Variants in ANXA4 observed in about 807,000 individuals in gnomAD.
ANXA4 encodes 35-beta calcimedin.
Under a neutral mutation model 49.8 loss-of-function variants are expected in ANXA4, and 39 were observed. The observed-to-expected ratio is 0.78, with a 90% CI of 0.61 to 1.02. ANXA4 has a LOEUF of 1.02. Among genes scored for constraint, ANXA4 ranks in the 50% least tolerant of loss-of-function variants. The pLI is 0.00. For synonymous variants in ANXA4, 134 were observed against 152.5 expected, an observed-to-expected ratio of 0.88 and a Z score of 0.89; for missense variants, 360 against 410.1, an observed-to-expected ratio of 0.88 and a Z score of 1.05.
intron 2 of ANXA4, among the ~76,000 whole-genome samples, chr2:69,675,777 A>G (rs1677385914): frequency 6.6e-6 from 1 of 152,144 alleles, no homozygotes; most frequent in African/African-American, 2.4e-5. Context: ...GAATCCCAGC[A>G]CTTTGGGAGG....
chr2:69,741,221 T>A (rs1049909790), upstream of ANXA4, among the ~76,000 whole-genome samples: 19 of 152,190 alleles, frequency 1.2e-4, no homozygotes, highest in Non-Finnish European at 2.4e-4. Flanking sequence ...CTCTGTTTTT[T>A]AAAAAAACTG....
chr2:69,664,678 C>A (rs1278233722), intron 2 of ANXA4, among the ~76,000 whole-genome samples: 3 of 152,190 alleles, frequency 2.0e-5, no homozygotes, highest in Admixed American at 6.5e-5. Context: ...TTGGCAGCAA[C>A]AGTATGTTCA....
At chr2:69,647,377 T>C (rs1198455115) in intron 1 of ANXA4, among the ~76,000 whole-genome samples, 1 of 145,632 alleles carries the variant, frequency 6.9e-6, no homozygotes. Context: ...TGTTTTATTG[T>C]TTTATTTTTA....
At chr2:69,812,942 T>C (rs1673774621) in intron 8 of ANXA4, among the ~76,000 whole-genome samples, 1 of 152,152 alleles carries the variant, frequency 6.6e-6, no homozygotes, top group South Asian at 2.1e-4. Context: ...ATTAGGACCA[T>C]TGTGTGGCAA....
At chr2:69,689,365 G>A (rs933904214) in intron 2 of ANXA4, among the ~76,000 whole-genome samples, 4 of 152,098 alleles carry the variant, frequency 2.6e-5, no homozygotes, top group Non-Finnish European at 4.4e-5. Flanking sequence ...TGGGATTACA[G>A]ACATGAGCCA....
At chr2:69,691,505 G>A (rs1431875616) in intron 2 of ANXA4, among the ~76,000 whole-genome samples, 1 of 151,878 alleles carries the variant, frequency 6.6e-6, no homozygotes, top group African/African-American at 2.4e-5. Flanking sequence ...GGAATGAACT[G>A]CATCAAAATG....
chr2:69,820,108 C>T (rs902929328), intron 11 of ANXA4, among the ~76,000 whole-genome samples: 2 of 149,898 alleles, frequency 1.3e-5, no homozygotes, highest in Admixed American at 1.3e-4. Flanking sequence ...ACAACAACAA[C>T]AAAAATGTAG....
At chr2:69,822,126 C>T (rs1335088249) in intron 12 of ANXA4, among the ~76,000 whole-genome samples, 3 of 151,936 alleles carry the variant, frequency 2.0e-5, no homozygotes, top group Non-Finnish European at 4.4e-5. Flanking sequence ...TTTGGGAGGC[C>T]GAGACAGGTG....
At chr2:69,667,893 T>G (rs1676998888) in intron 2 of ANXA4, among the ~76,000 whole-genome samples, 1 of 152,236 alleles carries the variant, frequency 6.6e-6, no homozygotes, top group Non-Finnish European at 1.5e-5. Context: ...TGGTCTCTGC[T>G]TTTCTCCATG....
intron 1 of ANXA4, among the ~76,000 whole-genome samples, chr2:69,757,741 G>A (rs997741889): frequency 1.3e-5 from 2 of 151,442 alleles, no homozygotes; most frequent in Non-Finnish European, 2.9e-5. Flanking sequence ...GGTGGATCAC[G>A]AGGTCGAGAG....
chr2:69,781,191 T>A, intron 1 of ANXA4: 1 of 308,704 alleles, frequency 3.2e-6, no homozygotes, highest in Non-Finnish European at 6.1e-6. Context: ...TGATCTGCTG[T>A]AACATTCAGT....
chr2:69,682,398 T>A (rs1307276642), intron 2 of ANXA4, among the ~76,000 whole-genome samples: 2 of 152,208 alleles, frequency 1.3e-5, no homozygotes, highest in African/African-American at 2.4e-5. Flanking sequence ...TTATGATTCA[T>A]CCTTGCTTTT....
chr2:69,676,160 T>G (rs1226768238), intron 2 of ANXA4, among the ~76,000 whole-genome samples: 3 of 152,142 alleles, frequency 2.0e-5, no homozygotes, highest in Non-Finnish European at 4.4e-5. Context: ...TTTTGAAATG[T>G]GAAAAAATGT....
At chr2:69,785,747 C>T (rs1672387191) in intron 2 of ANXA4, among the ~76,000 whole-genome samples, 1 of 152,188 alleles carries the variant, frequency 6.6e-6, no homozygotes, top group Non-Finnish European at 1.5e-5. Flanking sequence ...TCATACCCCA[C>T]TCCAGTGCTT....
intron 2 of ANXA4, among the ~76,000 whole-genome samples, chr2:69,720,433 C>CA (rs1465970972): frequency 6.6e-6 from 1 of 152,108 alleles, no homozygotes; most frequent in Non-Finnish European, 1.5e-5. Flanking sequence ...GGAGCTGAAG[C>CA]AAAGTTCATT....
At chr2:69,802,680 C>T (rs12995760) in intron 3 of ANXA4, among the ~76,000 whole-genome samples, 39,703 of 145,444 alleles carry the variant, frequency 0.27, 5,747 homozygotes, top group Admixed American at 0.46. Flanking sequence ...CACTGCACTA[C>T]AGACTGGCCA....
chr2:69,815,891 C>T, intron 8 of ANXA4: 1 of 540,612 alleles, frequency 1.8e-6, no homozygotes, highest in Non-Finnish European at 3.3e-6. Context: ...CTAGTGTTTG[C>T]CCTGACTCCC....
upstream of ANXA4, chr2:69,643,818 C>G: frequency 8.4e-7 from 1 of 1,183,634 alleles, no homozygotes. Flanking sequence ...GCCGGAAGTG[C>G]CCCTCGGGGC....
At chr2:69,811,941 A>G (rs973002862) in intron 7 of ANXA4, among the ~76,000 whole-genome samples, 14 of 152,166 alleles carry the variant, frequency 9.2e-5, no homozygotes, top group Admixed American at 9.2e-4. Context: ...CAATAAAAAT[A>G]GCCTAAAAAC....
Sources: gnomAD v4.1 joint callset for allele counts (sites outside exome capture counted in the v4.1 genomes callset) on GRCh38, gnomAD v4.1.1 for gene constraint, MANE v1.5 for transcripts, NCBI Gene and HGNC (gene_info 2026-07-23, HGNC 2026-07-21) for gene names.